Variants in MARCHF1 observed in about 807,000 individuals in gnomAD.
MARCHF1 encodes membrane associated ring-CH-type finger 1.
In MARCHF1, 40 loss-of-function variants were observed where a neutral mutation model predicts 54.2. That is an observed-to-expected ratio of 0.74 (90% confidence interval 0.57 to 0.96). MARCHF1 has a LOEUF of 0.96. MARCHF1 is among the 40% of genes least tolerant of loss of function. MARCHF1 has a pLI of 0.00. For missense variants in MARCHF1, 586 were observed against 656.5 expected, an observed-to-expected ratio of 0.89 and a Z score of 1.17; for synonymous variants, 236 against 236.3, an observed-to-expected ratio of 1.00 and a Z score of 0.01.
chr4:164,329,731 C>T (rs1735376734), intron 1 of MARCHF1, among the ~76,000 whole-genome samples: 2 of 152,134 alleles, frequency 1.3e-5, no homozygotes, highest in Non-Finnish European at 2.9e-5. Context: ...AGGAGCAAGA[C>T]AGGGAGAGAG....
intron 5 of MARCHF1, among the ~76,000 whole-genome samples, chr4:163,667,630 CT>C (rs146265269): frequency 1.4e-3 from 202 of 145,790 alleles, no homozygotes; most frequent in Middle Eastern, 3.5e-3. Context: ...ATTATACAAA[CT>C]TTTTTTTTTT....
intron 4 of MARCHF1, among the ~76,000 whole-genome samples, chr4:163,701,242 G>T (rs1322266385): frequency 6.6e-6 from 1 of 151,906 alleles, no homozygotes; most frequent in Non-Finnish European, 1.5e-5. Context: ...GTCAATTCTG[G>T]TTTTCAATAT....
intron 1 of MARCHF1, among the ~76,000 whole-genome samples, chr4:164,157,030 A>G (rs1730096655): frequency 6.6e-6 from 1 of 152,088 alleles, no homozygotes; most frequent in South Asian, 2.1e-4. Context: ...CAGTTTAAGT[A>G]TTTTTCCTCT....
chr4:163,668,418 T>A (rs1407304073), intron 5 of MARCHF1, among the ~76,000 whole-genome samples: 1 of 152,174 alleles, frequency 6.6e-6, no homozygotes, highest in Non-Finnish European at 1.5e-5. Flanking sequence ...TATTTCATAA[T>A]AAATCAATAG....
intron 1 of MARCHF1, among the ~76,000 whole-genome samples, chr4:164,183,480 A>G (rs1730886737): frequency 6.6e-6 from 1 of 152,104 alleles, no homozygotes; most frequent in Non-Finnish European, 1.5e-5. Context: ...AAAAGCTTCT[A>G]ATTTTTATGT....
chr4:164,122,628 C>A (rs1044875195), intron 1 of MARCHF1, among the ~76,000 whole-genome samples: 1 of 151,986 alleles, frequency 6.6e-6, no homozygotes, highest in Non-Finnish European at 1.5e-5. Context: ...CACTGCCCAC[C>A]AGTCTTTTCT....
In MARCHF1 at chr4:163,873,088, CA is replaced by C. The variant is rs11445016; in HGVS notation, c.-38-18920del. On this transcript the variant is annotated intron_variant, in intron 3 of 9. Coordinates refer to ENST00000514618, the MANE Select transcript of MARCHF1 (RefSeq NM_001394959.1). Reference sequence around the variant, plus strand: ...AAACAAAAAAAAACAAACAAACAAACAAAAAAAATGATGAAGTCATAGTTTT... The same window carrying C: ...AAACAAAAAAAAACAAACAAACAAACAAAAAAATGATGAAGTCATAGTTTT... Among the ~76,000 whole-genome samples, 57 of 150,642 alleles carry C rather than the reference CA, an allele frequency of 3.8e-4. 1 individual carries two copies. Among genetic ancestry groups the C allele is most frequent in the South Asian group, 6.3e-4 (3 of 4,776 alleles).
intron 5 of MARCHF1, among the ~76,000 whole-genome samples, chr4:163,633,721 A>G (rs1397408004): frequency 3.3e-5 from 5 of 152,322 alleles, no homozygotes; most frequent in South Asian, 2.1e-4. Context: ...GCAGGACAAC[A>G]TTCAGATTCA....
At chr4:163,562,472 T>C (rs935481423) in intron 8 of MARCHF1, among the ~76,000 whole-genome samples, 1 of 152,210 alleles carries the variant, frequency 6.6e-6, no homozygotes, top group Non-Finnish European at 1.5e-5. Context: ...TGTTAGTCTC[T>C]ATTGGTCCTT....
At chr4:164,189,286 CA>C in intron 1 of MARCHF1, 1 of 593,254 alleles carries the variant, frequency 1.7e-6, no homozygotes, top group South Asian at 2.1e-5. Context: ...TCCTCAACAT[CA>C]AGCAAGAATT....
At chr4:164,082,227 G>C (rs1341233577) in intron 2 of MARCHF1, among the ~76,000 whole-genome samples, 1 of 152,096 alleles carries the variant, frequency 6.6e-6, no homozygotes, top group African/African-American at 2.4e-5. Context: ...TTCACCTTTA[G>C]TAGTCAACAG....
intron 8 of MARCHF1, among the ~76,000 whole-genome samples, chr4:163,559,354 C>T (rs755759990): frequency 7.2e-5 from 11 of 152,040 alleles, no homozygotes; most frequent in Non-Finnish European, 1.2e-4. Flanking sequence ...TTCTTTGGGG[C>T]ACTAGCAGAA....
At chr4:164,281,031 G>A (rs1224225525) in intron 1 of MARCHF1, among the ~76,000 whole-genome samples, 1 of 152,052 alleles carries the variant, frequency 6.6e-6, no homozygotes, top group East Asian at 1.9e-4. Context: ...ATCCCACATT[G>A]TTTATAATAA....
At chr4:164,283,847 G>A (rs1734083051) in intron 1 of MARCHF1, among the ~76,000 whole-genome samples, 1 of 150,902 alleles carries the variant, frequency 6.6e-6, no homozygotes, top group Non-Finnish European at 1.5e-5. Flanking sequence ...GAAACCAACG[G>A]CAGAGGAATT....
At chr4:163,798,431 G>A (rs1747984471) in intron 4 of MARCHF1, among the ~76,000 whole-genome samples, 1 of 152,138 alleles carries the variant, frequency 6.6e-6, no homozygotes, top group Non-Finnish European at 1.5e-5. Context: ...AGCAGAATAA[G>A]ACAGAGAGCA....
chr4:164,055,530 A>C (rs1754471732), intron 2 of MARCHF1, among the ~76,000 whole-genome samples: 1 of 152,188 alleles, frequency 6.6e-6, no homozygotes, highest in Admixed American at 6.5e-5. Flanking sequence ...CTCTCCCCGA[A>C]AATAGGGACT....
At chr4:164,163,661 AT>A (rs1730298348) in intron 1 of MARCHF1, among the ~76,000 whole-genome samples, 1 of 151,940 alleles carries the variant, frequency 6.6e-6, no homozygotes, top group South Asian at 2.1e-4. Context: ...AAGGATGTTA[AT>A]ACCTTATTTG....
At chr4:164,360,831 G>C (rs1292298164) in intron 1 of MARCHF1, among the ~76,000 whole-genome samples, 1 of 152,020 alleles carries the variant, frequency 6.6e-6, no homozygotes, top group African/African-American at 2.4e-5. Context: ...TATAGTAAAA[G>C]AAATAATTAG....
chr4:164,082,401 C>T (rs115087535), intron 2 of MARCHF1, among the ~76,000 whole-genome samples: 2,015 of 152,180 alleles, frequency 0.013, 31 homozygotes, highest in African/African-American at 0.045. Context: ...TAAGAAATGA[C>T]GCAACAGATG....
Sources: allele counts gnomAD v4.1 joint callset (sites outside exome capture counted in the v4.1 genomes callset), GRCh38; gene constraint gnomAD v4.1.1; transcripts MANE v1.5; gene names NCBI Gene and HGNC (gene_info 2026-07-23, HGNC 2026-07-21).